SPATA7: variants seen among roughly 807,000 people sequenced by gnomAD.
The protein encoded by SPATA7 is spermatogenesis associated 7.
In SPATA7, 43 loss-of-function variants were observed where a neutral mutation model predicts 51.8. The ratio of observed to expected loss-of-function variants is 0.83; its 90% CI spans 0.65 to 1.07. SPATA7 has a LOEUF of 1.07. Among genes scored for constraint, SPATA7 ranks in the 50% least tolerant of loss-of-function variants. The probability of loss-of-function intolerance (pLI) is 0.00; values close to 1 mark genes in which losing one functional copy is unlikely to be tolerated. For synonymous variants in SPATA7, 230 were observed against 252.8 expected (o/e 0.91, Z 0.86); for missense variants, 683 against 701.3 (o/e 0.97, Z 0.30).
At chr14:88,441,249 G>A (rs952137273), downstream of SPATA7, among the ~76,000 whole-genome samples, 2 of 151,892 alleles carry the variant, frequency 1.3e-5, no homozygotes, top group African/African-American at 2.4e-5. Flanking sequence ...CTTGTTGATC[G>A]ATGGGCATAT....
At chr14:88,390,761 G>C (rs995693939) in intron 1 of SPATA7, among the ~76,000 whole-genome samples, 1 of 152,100 alleles carries the variant, frequency 6.6e-6, no homozygotes, top group Non-Finnish European at 1.5e-5. Context: ...GGAGAAATGA[G>C]GTTTTTCTGA....
chr14:88,416,344 T>A (rs1278977408), intron 4 of SPATA7: 1 of 179,336 alleles, frequency 5.6e-6, no homozygotes, highest in Non-Finnish European at 1.2e-5. Context: ...TCTCTGTGAA[T>A]AACTGCTAAG....
chr14:88,386,840 T>A (rs533477798), intron 1 of SPATA7, among the ~76,000 whole-genome samples: 1 of 152,170 alleles, frequency 6.6e-6, no homozygotes, highest in Non-Finnish European at 1.5e-5. Flanking sequence ...TATTATATAG[T>A]CATTGATCAA....
exon 5 of SPATA7, chr14:88,470,181 A>C: frequency 2.6e-6 from 2 of 765,604 alleles, no homozygotes; most frequent in Non-Finnish European, 2.1e-6. Flanking sequence ...AAACTGGATT[A>C]TTCAGCAGAA....
At chr14:88,449,544 T>C (rs1039764217) in intron 3 of SPATA7, among the ~76,000 whole-genome samples, 15 of 152,224 alleles carry the variant, frequency 9.9e-5, no homozygotes, top group African/African-American at 2.4e-5. Flanking sequence ...AATGAATATA[T>C]ACTCTGCAGT....
chr14:88,455,021 A>G (rs1265954140), intron 3 of SPATA7: 2 of 454,182 alleles, frequency 4.4e-6, no homozygotes, highest in East Asian at 1.4e-4. Context: ...CAAAATATTT[A>G]GATCTGGGTC....
intron 4 of SPATA7, among the ~76,000 whole-genome samples, chr14:88,396,870 T>G (rs2075895275): frequency 1.0e-5 from 1 of 99,222 alleles, no homozygotes; most frequent in Non-Finnish European, 2.5e-5. Context: ...TTTCTTTTCT[T>G]TTTTCTTTTT....
In SPATA7 at chr14:88,464,914, C is replaced by T. The variant is rs115159343; in HGVS notation, c.255-4933C>T. ...TAACATCTCAACCCTTCTGAAATGA[C>T]TGATGGTGAAAGCTTCACAGAAAAG... On this transcript the variant is annotated intron_variant, in intron 4 of 4. Coordinates refer to the SPATA7 transcript ENST00000556406. 5.7e-3 allele frequency among the ~76,000 whole-genome samples: 867 copies of T among 152,228 alleles called. 13 individuals carry two copies. The highest frequency in any genetic ancestry group is 0.02 in the African/African-American group (832 of 41,528).
chr14:88,443,933 G>A (rs1158706583), intron 3 of SPATA7, among the ~76,000 whole-genome samples: 1 of 151,758 alleles, frequency 6.6e-6, no homozygotes, highest in Non-Finnish European at 1.5e-5. Context: ...GAATAATGCC[G>A]CAATAAACAT....
intron 5 of SPATA7, among the ~76,000 whole-genome samples, chr14:88,421,112 C>CA (rs919567876): frequency 6.4e-4 from 91 of 142,932 alleles, no homozygotes; most frequent in East Asian, 1.6e-3. Flanking sequence ...AACTCCGTCT[C>CA]AAAAAAAAAA....
At chr14:88,434,245 A>C (rs182336985) in intron 10 of SPATA7, among the ~76,000 whole-genome samples, 4 of 152,346 alleles carry the variant, frequency 2.6e-5, no homozygotes, top group Admixed American at 2.6e-4. Context: ...CAAAAACCAG[A>C]ATCAACCTAA....
intron 10 of SPATA7, among the ~76,000 whole-genome samples, chr14:88,434,059 A>G (rs2077009981): frequency 6.6e-6 from 1 of 152,174 alleles, no homozygotes; most frequent in Admixed American, 6.5e-5. Context: ...CACAATATGA[A>G]TATACCTAAC....
At chr14:88,466,067 A>G (rs1408216624) in intron 4 of SPATA7, 1 of 151,228 alleles carries the variant, frequency 6.6e-6, no homozygotes, top group African/African-American at 2.4e-5. Context: ...AAAACGTACC[A>G]TGGAGAGGGA....
In SPATA7 at chr14:88,469,087, T is replaced by C; in HGVS notation, c.255-760T>C. 4 of 1,602,548 alleles carry C rather than the reference T, an allele frequency of 2.5e-6. No homozygotes were observed. The highest frequency in any genetic ancestry group is 3.4e-6 in the Non-Finnish European group (4 of 1,171,670). ...TCTCTTCAAGATATGCTGTGGAAAA[T>C]CAATGAAATAGAAAAGTACTCAAGG... On this transcript the variant is annotated intron_variant, in intron 4 of 4. Transcript: ENST00000556406. This position sits in a 1 kb window ranked among gnomAD's most constrained non-coding sequence, Gnocchi z 4.3.
intron 5 of SPATA7, among the ~76,000 whole-genome samples, chr14:88,422,951 T>C (rs1169549026): frequency 6.6e-6 from 1 of 152,216 alleles, no homozygotes; most frequent in East Asian, 1.9e-4. Context: ...GTTAAAATGC[T>C]GGCTTTAACC....
rs567843557 is a variant in SPATA7 at position 88,428,020 on chromosome 14, G to A, written c.912+324G>A. 66 of 204,638 alleles carry A rather than the reference G, an allele frequency of 3.2e-4. 1 individual carries two copies. The highest frequency in any genetic ancestry group is 1.2e-3 in the African/African-American group (52 of 43,338). The allele number at this position is 204,638 out of a possible 1,614,324, so 12.7% of individuals were successfully genotyped here. Reference sequence around the variant, plus strand: ...AAGATGCAGACCTGGATTACTAGAGGAGCCAGCAGAGTAGTGCAGAAGTTG... The same window carrying A: ...AAGATGCAGACCTGGATTACTAGAGAAGCCAGCAGAGTAGTGCAGAAGTTG... On this transcript the variant is annotated intron_variant, in intron 7 of 11. Coordinates refer to ENST00000393545, the MANE Select transcript of SPATA7 (RefSeq NM_018418.5).
At chr14:88,451,637 G>T (rs1405892910) in intron 3 of SPATA7, among the ~76,000 whole-genome samples, 1 of 150,258 alleles carries the variant, frequency 6.7e-6, no homozygotes, top group African/African-American at 2.5e-5. Context: ...AAGCAATTCT[G>T]CTTCAGCCTC....
chr14:88,420,360 C>T (rs900702312), intron 5 of SPATA7, among the ~76,000 whole-genome samples: 2 of 152,156 alleles, frequency 1.3e-5, no homozygotes, highest in South Asian at 2.1e-4. Context: ...TGGCATCTTT[C>T]CCAAGTAAGC....
intron 4 of SPATA7, chr14:88,468,310 G>C (rs769158289): frequency 3.3e-6 from 5 of 1,515,154 alleles, no homozygotes; most frequent in Non-Finnish European, 4.5e-6. Context: ...TTCCCCTGGG[G>C]AGACAGAAAG....
Sources: allele counts gnomAD v4.1 joint callset (sites outside exome capture counted in the v4.1 genomes callset), GRCh38; gene constraint gnomAD v4.1.1; non-coding constraint Gnocchi (gnomAD v3.1); transcripts MANE v1.5; gene names NCBI Gene and HGNC (gene_info 2026-07-23, HGNC 2026-07-21).